Variants in COTL1 observed in about 807,000 individuals in gnomAD.
COTL1 encodes the protein coactosin-like protein.
COTL1 carries 15 observed loss-of-function variants against 16.5 expected under a neutral mutation model. The observed-to-expected ratio is 0.91, with a 90% CI of 0.61 to 1.40. The LOEUF is 1.40. Among genes scored for constraint, COTL1 ranks in the 40% most tolerant of loss-of-function variants. The pLI is 0.00. For synonymous variants in COTL1, 112 were observed against 85.3 expected (o/e 1.31, Z -1.73); for missense variants, 220 against 201.5 (o/e 1.09, Z -0.56).
At position 84,565,697 on chromosome 16, in the gene COTL1, A is replaced by C. The variant is rs1324253179; in HGVS notation, c.*1148T>G. On this transcript the variant is annotated 3_prime_UTR_variant, in exon 4 of 4. Coordinates refer to ENST00000262428, the MANE Select transcript of COTL1 (RefSeq NM_021149.5). The stretch of plus-strand genomic sequence containing the variant: ...GTACAGATTTCTTCCCCAAAACGAA[A>C]TGAGCAAGGAAAAACAGAAAAAGAG... The C allele has an allele frequency of 6.5e-6, 1 of 152,676 alleles. No homozygotes were observed. Among genetic ancestry groups the C allele is most frequent in the Middle Eastern group, 3.2e-3 (1 of 316 alleles). The allele number at this position is 152,676 out of a possible 1,614,324, so 9.5% of individuals were successfully genotyped here.
intron 3 of COTL1, among the ~76,000 whole-genome samples, chr16:84,589,331 T>G (rs1468787541): frequency 1.3e-5 from 2 of 152,194 alleles, no homozygotes; most frequent in East Asian, 3.8e-4. Flanking sequence ...TTGCTTTGAA[T>G]CTTTAAAATA....
At chr16:84,578,316 C>T (rs1004375896) in intron 3 of COTL1, among the ~76,000 whole-genome samples, 1 of 152,184 alleles carries the variant, frequency 6.6e-6, no homozygotes, top group African/African-American at 2.4e-5. Context: ...CATACATACT[C>T]AAAGATGTTC....
intron 2 of COTL1, among the ~76,000 whole-genome samples, chr16:84,616,728 G>C (rs1427528958): frequency 6.6e-6 from 1 of 152,084 alleles, no homozygotes; most frequent in African/African-American, 2.4e-5. Context: ...CTGCCACGTG[G>C]TCTTTCTTTT....
intron 2 of COTL1, among the ~76,000 whole-genome samples, chr16:84,591,992 T>C (rs1220967207): frequency 6.6e-6 from 1 of 152,220 alleles, no homozygotes; most frequent in African/African-American, 2.4e-5. Context: ...TCAACTGGCA[T>C]CTGGGGCCAG....
intron 2 of COTL1, among the ~76,000 whole-genome samples, chr16:84,599,202 C>A (rs564754617): frequency 3.3e-5 from 5 of 151,896 alleles, no homozygotes; most frequent in African/African-American, 1.2e-4. Context: ...TCCACATTGA[C>A]TGGGGGCCTC....
chr16:84,607,629 G>C (rs1015253636), intron 2 of COTL1, among the ~76,000 whole-genome samples: 1 of 152,154 alleles, frequency 6.6e-6, no homozygotes, highest in Non-Finnish European at 1.5e-5. Flanking sequence ...CACACTGGAG[G>C]GGTCGGCTGG....
chr16:84,604,504 T>G (rs1469802024), intron 2 of COTL1, among the ~76,000 whole-genome samples: 3 of 152,004 alleles, frequency 2.0e-5, no homozygotes, highest in African/African-American at 7.2e-5. Context: ...TGCATGGTGA[T>G]GCACCCCACT....
At chr16:84,595,626 C>G (rs892085411) in intron 2 of COTL1, 2 of 152,208 alleles carry the variant, frequency 1.3e-5, no homozygotes, top group Non-Finnish European at 2.9e-5. Flanking sequence ...TAGGCTCCCT[C>G]GTCTATGTCG....
chr16:84,574,515 T>C (rs1567531137), intron 3 of COTL1, among the ~76,000 whole-genome samples: 1 of 152,234 alleles, frequency 6.6e-6, no homozygotes, highest in Non-Finnish European at 1.5e-5. Flanking sequence ...TCCGACGAAG[T>C]CTCACTCCAA....
intron 2 of COTL1, among the ~76,000 whole-genome samples, chr16:84,591,537 C>G (rs1486197372): frequency 1.4e-5 from 2 of 148,080 alleles, no homozygotes; most frequent in African/African-American, 5.0e-5. Flanking sequence ...TGGTGGCTCA[C>G]CCCTGTAATC....
At chr16:84,605,164 G>A (rs1905187367) in intron 2 of COTL1, among the ~76,000 whole-genome samples, 1 of 152,220 alleles carries the variant, frequency 6.6e-6, no homozygotes, top group South Asian at 2.1e-4. Context: ...CCTTAGGTCT[G>A]CCCCACGGTG....
intron 2 of COTL1, chr16:84,615,957 T>G (rs962951224): frequency 1.3e-5 from 2 of 152,222 alleles, no homozygotes; most frequent in South Asian, 2.1e-4. Context: ...AAATGCAAAA[T>G]ATAATTTGAT....
intron 2 of COTL1, among the ~76,000 whole-genome samples, chr16:84,601,133 C>A (rs952440868): frequency 6.6e-6 from 1 of 152,190 alleles, no homozygotes; most frequent in Non-Finnish European, 1.5e-5. Flanking sequence ...CACTGAACAG[C>A]CCTGGCACAC....
Position 84,617,926 on chromosome 16 carries a change from C to A in COTL1, c.-12G>T. On this transcript the variant is annotated 5_prime_UTR_variant, in exon 1 of 4. Transcript: ENST00000262428. ...ATCTTGGTGGCCATCGCCGCGGAGC[C>A]GCAGCGGGACACTGTCCGGGGCGGC... is the stretch of plus-strand genomic sequence containing the variant. 6.5e-7 allele frequency: 1 copy of A among 1,548,544 alleles called. No homozygotes were observed. Among genetic ancestry groups the A allele is most frequent in the African/African-American group, 1.4e-5 (1 of 73,076 alleles).
At chr16:84,583,152 G>C (rs1045807979) in intron 3 of COTL1, among the ~76,000 whole-genome samples, 1 of 152,190 alleles carries the variant, frequency 6.6e-6, no homozygotes, top group Non-Finnish European at 1.5e-5. Flanking sequence ...CCACAGCCTG[G>C]ATTCCAGGCA....
Position 84,591,775 on chromosome 16 carries a change from G to C in COTL1, c.161-1513C>G, listed in dbSNP as rs530049601. On this transcript the variant is annotated intron_variant, in intron 2 of 3. Coordinates refer to ENST00000262428, the MANE Select transcript of COTL1 (RefSeq NM_021149.5). ...GAGGTTGAGACTGCAGTTGAGTAGA[G>C]ATTACGCCACTGTACTCCAGCCTGG... 4.0e-5 allele frequency among the ~76,000 whole-genome samples: 6 copies of C among 149,860 alleles called. No homozygotes were observed. The East Asian group carries it at 9.8e-4, about 24-fold the overall frequency.
chr16:84,568,060 C>T (rs889896371), intron 3 of COTL1: 3 of 152,188 alleles, frequency 2.0e-5, no homozygotes, highest in African/African-American at 2.4e-5. Flanking sequence ...TGCAGTGGCG[C>T]AATCTTGGCT....
chr16:84,602,994 C>T (rs938026865), intron 2 of COTL1, among the ~76,000 whole-genome samples: 1 of 152,176 alleles, frequency 6.6e-6, no homozygotes, highest in African/African-American at 2.4e-5. Flanking sequence ...CCCAGAGGGA[C>T]GCAGCTGGCT....
At chr16:84,608,924 A>C (rs1905265094) in intron 2 of COTL1, among the ~76,000 whole-genome samples, 1 of 152,184 alleles carries the variant, frequency 6.6e-6, no homozygotes, top group African/African-American at 2.4e-5. Flanking sequence ...ATTAAATTAA[A>C]AACCCAACAT....
Sources: allele counts gnomAD v4.1 joint callset (sites outside exome capture counted in the v4.1 genomes callset), GRCh38; gene constraint gnomAD v4.1.1; transcripts MANE v1.5; gene names NCBI Gene and HGNC (gene_info 2026-07-23, HGNC 2026-07-21).